TERB2: variants seen among roughly 807,000 people sequenced by gnomAD.
The protein encoded by TERB2 is telomere repeat binding bouquet formation protein 2, also known as telomere repeats-binding bouquet formation protein 2.
TERB2 carries 26 observed loss-of-function variants against 29.8 expected under a neutral mutation model. The ratio of observed to expected loss-of-function variants is 0.87; its 90% CI spans 0.64 to 1.21. The LOEUF (loss-of-function observed/expected upper bound fraction) is 1.21, where lower values mean the gene tolerates loss of function less well. Among genes scored for constraint, TERB2 ranks in the 50% most tolerant of loss-of-function variants. The pLI is 0.00. For missense variants in TERB2, 240 were observed against 268.6 expected (o/e 0.89, Z 0.74); for synonymous variants, 80 against 90.8 (o/e 0.88, Z 0.68).
Position 44,978,848 on chromosome 15 carries a change from C to G in TERB2, c.*220C>G. On this transcript the variant is annotated 3_prime_UTR_variant, in exon 7 of 7. Coordinates refer to ENST00000340827, the MANE Select transcript of TERB2 (RefSeq NM_152448.3). ...AACATGTTCAAATATTCTCAATGCA[C>G]AGTTGTTAATGAGTAATTGCCGTTA... 1 of 437,700 alleles carries G rather than the reference C, an allele frequency of 2.3e-6. No individual in the cohort carries two copies. Among genetic ancestry groups the G allele is most frequent in the Non-Finnish European group, 3.5e-6 (1 of 285,780 alleles). 27.1% of individuals were successfully genotyped at this position (437,700 alleles called of 1,614,324 possible).
chr15:44,976,660 C>T (rs1344287769), intron 6 of TERB2, among the ~76,000 whole-genome samples: 2 of 152,106 alleles, frequency 1.3e-5, no homozygotes, highest in Non-Finnish European at 2.9e-5. Flanking sequence ...TCAGTTGGGG[C>T]CACTGGGTGG....
intron 5 of TERB2, among the ~76,000 whole-genome samples, chr15:44,972,744 G>C (rs138770671): frequency 0.016 from 2,457 of 151,972 alleles, 19 homozygotes; most frequent in Middle Eastern, 0.031. Flanking sequence ...TCAAACTCCT[G>C]ACCTTAAGTG....
At chr15:44,966,493 A>C (rs867555140) in intron 5 of TERB2, among the ~76,000 whole-genome samples, 1 of 152,212 alleles carries the variant, frequency 6.6e-6, no homozygotes. Context: ...AATGGTAGTC[A>C]TTAAATACTA....
intron 4 of TERB2, among the ~76,000 whole-genome samples, chr15:44,964,967 A>G (rs1038467045): frequency 2.6e-4 from 39 of 151,818 alleles, no homozygotes; most frequent in African/African-American, 8.4e-4. Context: ...TTCAAAACCA[A>G]CCTGGGCAAC....
intron 5 of TERB2, among the ~76,000 whole-genome samples, chr15:44,966,845 T>C (rs757963235): frequency 4.6e-5 from 7 of 152,204 alleles, no homozygotes; most frequent in Non-Finnish European, 1.0e-4. Flanking sequence ...ATGCTTGTAA[T>C]CTCAGCACTT....
intron 5 of TERB2, among the ~76,000 whole-genome samples, chr15:44,967,500 T>C (rs1448253425): frequency 1.3e-5 from 2 of 152,240 alleles, no homozygotes; most frequent in East Asian, 3.8e-4. Context: ...TACCTAGGTA[T>C]ATCCACAGTG....
At chr15:44,977,599 T>A in intron 6 of TERB2, among the ~76,000 whole-genome samples, 1 of 152,188 alleles carries the variant, frequency 6.6e-6, no homozygotes, top group East Asian at 1.9e-4. Flanking sequence ...GATTAAAATA[T>A]CTTTAAAGAT....
chr15:44,962,324 G>A (rs1246441558), intron 4 of TERB2, among the ~76,000 whole-genome samples: 3 of 151,728 alleles, frequency 2.0e-5, no homozygotes, highest in Non-Finnish European at 2.9e-5. Flanking sequence ...TGGGACCACG[G>A]GCGCCAGCCA....
At chr15:44,971,905 C>T (rs1374198084) in intron 5 of TERB2, among the ~76,000 whole-genome samples, 1 of 143,516 alleles carries the variant, frequency 7.0e-6, no homozygotes, top group East Asian at 2.2e-4. Flanking sequence ...TTTCTGGGAA[C>T]ACAATTTTGC....
chr15:44,975,699 G>A (rs1892036136), intron 6 of TERB2, among the ~76,000 whole-genome samples: 1 of 151,852 alleles, frequency 6.6e-6, no homozygotes, highest in Admixed American at 6.6e-5. Context: ...GATACCAATA[G>A]CATCACCCAT....
intron 5 of TERB2, among the ~76,000 whole-genome samples, chr15:44,971,564 G>C (rs549280135): frequency 1.3e-5 from 2 of 152,066 alleles, no homozygotes; most frequent in Non-Finnish European, 2.9e-5. Context: ...GACCATCCTG[G>C]CAAACACAGT....
chr15:44,967,358 G>C (rs560376413), intron 5 of TERB2, among the ~76,000 whole-genome samples: 32 of 152,238 alleles, frequency 2.1e-4, no homozygotes, highest in Non-Finnish European at 4.4e-4. Flanking sequence ...GCCCCAAACA[G>C]TCCCAAGCTG....
chr15:44,965,882 T>C (rs539661033), intron 4 of TERB2, among the ~76,000 whole-genome samples: 91 of 151,866 alleles, frequency 6.0e-4, no homozygotes, highest in Non-Finnish European at 1.1e-3. Flanking sequence ...TAAAATCAGT[T>C]AAAGTTTTAC....
chr15:44,975,876 C>A (rs1266608647), intron 6 of TERB2, among the ~76,000 whole-genome samples: 2 of 152,150 alleles, frequency 1.3e-5, no homozygotes, highest in African/African-American at 2.4e-5. Context: ...TTGACATTTA[C>A]ATATGTGATT....
intron 3 of TERB2, among the ~76,000 whole-genome samples, chr15:44,958,765 G>A (rs1253864751): frequency 6.6e-6 from 1 of 152,234 alleles, no homozygotes; most frequent in Non-Finnish European, 1.5e-5. Flanking sequence ...ACCTGGGTAG[G>A]TGCTGGGGAT....
At chr15:44,962,496 A>T (rs575291616) in intron 4 of TERB2, among the ~76,000 whole-genome samples, 2 of 152,040 alleles carry the variant, frequency 1.3e-5, no homozygotes, top group South Asian at 4.2e-4. Context: ...GCCATTTACC[A>T]GTTCTTTACT....
At position 44,958,511 on chromosome 15, in the gene TERB2, A is replaced by C. The variant is rs138955468; in HGVS notation, c.285A>C (p.Lys95Asn). Residue 95 changes from lysine to asparagine, a missense_variant and splice_region_variant, in exon 3 of 7, where the codon AAA becomes AAC. Lys to Asn is a moderately conservative substitution (Grantham distance 94). Transcript: ENST00000340827. Reference sequence around the variant, plus strand: ...TTCTTCCTCCTGCGTGCCTGCAAAAAGGTTAGCAAAGATCATTCAGCCAAT... The same window carrying C: ...TTCTTCCTCCTGCGTGCCTGCAAAACGGTTAGCAAAGATCATTCAGCCAAT... ...HFILPPACLQ[K>N]EIRRKIGSFI... 1.1e-3 allele frequency: 1,798 copies of C among 1,606,932 alleles called. 9 individuals are homozygous for C. Among genetic ancestry groups the C allele is most frequent in the Middle Eastern group, 8.4e-3 (50 of 5,964 alleles).
At chr15:44,969,612 G>C (rs1891938984) in intron 5 of TERB2, among the ~76,000 whole-genome samples, 1 of 151,040 alleles carries the variant, frequency 6.6e-6, no homozygotes, top group South Asian at 2.1e-4. Flanking sequence ...AACAGAGAGA[G>C]AGCCAGTCAC....
intron 4 of TERB2, among the ~76,000 whole-genome samples, chr15:44,962,572 G>C (rs551705883): frequency 4.6e-5 from 7 of 152,050 alleles, no homozygotes; most frequent in Admixed American, 1.3e-4. Flanking sequence ...TGAATAACAC[G>C]CCTCAATAAA....
Sources: allele counts gnomAD v4.1 joint callset (sites outside exome capture counted in the v4.1 genomes callset), GRCh38; gene constraint gnomAD v4.1.1; transcripts MANE v1.5; gene names NCBI Gene and HGNC (gene_info 2026-07-23, HGNC 2026-07-21).